Variants in CACNA2D4 observed in about 807,000 individuals in gnomAD.
CACNA2D4 encodes the protein calcium voltage-gated channel auxiliary subunit alpha2delta 4.
Under a neutral mutation model 163.8 loss-of-function variants are expected in CACNA2D4, and 157 were observed. The ratio of observed to expected loss-of-function variants is 0.96; its 90% confidence interval spans 0.84 to 1.09. The LOEUF (loss-of-function observed/expected upper bound fraction) is 1.09. Ranked by LOEUF, CACNA2D4 falls within the 50% of genes least tolerant of loss-of-function variation. The pLI is 0.00. For missense variants in CACNA2D4, 1,410 were observed against 1,479.9 expected, an observed-to-expected ratio of 0.95 and a Z score of 0.78; for synonymous variants, 598 against 586.9, an observed-to-expected ratio of 1.02 and a Z score of -0.27.
Position 1,799,895 on chromosome 12 carries a change from G to A in CACNA2D4, c.2974+105C>T, listed in dbSNP as rs148569069. 1.8e-5 allele frequency: 24 copies of A among 1,339,042 alleles called. No individual in the cohort carries two copies. The highest frequency in any genetic ancestry group is 2.5e-5 in the Non-Finnish European group (24 of 960,484). 82.9% of individuals were successfully genotyped at this position (1,339,042 alleles called of 1,614,324 possible). On this transcript the variant is annotated intron_variant, in intron 33 of 37. Coordinates refer to ENST00000382722, the MANE Select transcript of CACNA2D4 (RefSeq NM_172364.5). The surrounding 1 kb of genome is among the most constrained non-coding windows in gnomAD (Gnocchi z 4.7). ...GAGATGTGAACAACGATGCTTCAGG[G>A]TCACCTATCCCCACTGTCACCCACC...
chr12:1,851,898 G>A (rs1394754768), intron 23 of CACNA2D4, among the ~76,000 whole-genome samples: 1 of 151,868 alleles, frequency 6.6e-6, no homozygotes. Context: ...GTTTTCAGGA[G>A]TGTTTCATAA....
chr12:1,826,802 A>T (rs1485103386), intron 26 of CACNA2D4, among the ~76,000 whole-genome samples: 1 of 152,170 alleles, frequency 6.6e-6, no homozygotes, highest in Non-Finnish European at 1.5e-5. Context: ...AGAGGGGAGA[A>T]GATGGGGGCA....
rs571670715 is a variant in CACNA2D4 at position 1,904,562 on chromosome 12, C to T, written c.781+2878G>A. ...AATTATTAGTTTGTGGTTTTGGGCA[C>T]CACAATGTATAAAGAAGGAATTTTG... On this transcript the variant is annotated intron_variant, in intron 6 of 37. Transcript: ENST00000382722. 1.3e-3 allele frequency among the ~76,000 whole-genome samples: 198 copies of T among 151,740 alleles called. 1 individual carries two copies. Among genetic ancestry groups the T allele is most frequent in the African/African-American group, 4.4e-3 (184 of 41,406 alleles).
chr12:1,868,939 G>A (rs1002633372), intron 18 of CACNA2D4, among the ~76,000 whole-genome samples: 3 of 152,182 alleles, frequency 2.0e-5, no homozygotes, highest in Non-Finnish European at 4.4e-5. Flanking sequence ...ATGATTTAAC[G>A]TATTAGGGAA....
At chr12:1,891,482 A>T (rs932103100) in intron 6 of CACNA2D4, among the ~76,000 whole-genome samples, 8 of 152,214 alleles carry the variant, frequency 5.3e-5, no homozygotes, top group African/African-American at 1.9e-4. Context: ...CAACTATTAC[A>T]CCAGATGCAC....
rs142964907 is a variant in CACNA2D4 at position 1,800,016 on chromosome 12, G to T, written c.2958C>A (p.Tyr986Ter). 1 of 1,604,596 alleles carries T rather than the reference G, an allele frequency of 6.2e-7. No homozygotes were observed. The highest frequency in any genetic ancestry group is 8.5e-7 in the Non-Finnish European group (1 of 1,175,838). The change falls in exon 33 of 38, where the codon TAC becomes TAA. Residue 986 changes from tyrosine to a stop codon, truncating the protein, a stop_gained. Transcript: ENST00000382722. LOFTEE classifies it high-confidence loss of function. ...LLEWSVWGSW[Y>*]DRGAEAKSVF... is the part of the protein sequence containing the mutation. Reference sequence around the variant, plus strand: ...TGCACTCACCCTCGGCCCCTCTGTCGTACCAGGAGCCCCAGACACTCCACT... The same window carrying T: ...TGCACTCACCCTCGGCCCCTCTGTCTTACCAGGAGCCCCAGACACTCCACT...
chr12:1,843,900 G>A lies in CACNA2D4; in HGVS notation c.2470+502C>T, dbSNP rs1565706288. Among the ~76,000 whole-genome samples, 1 of 152,080 alleles carries A rather than the reference G, an allele frequency of 6.6e-6. No individual in the cohort carries two copies. Among genetic ancestry groups the A allele is most frequent in the Non-Finnish European group, 1.5e-5 (1 of 68,014 alleles). On this transcript the variant is annotated intron_variant, in intron 25 of 37. Transcript: ENST00000382722. The surrounding 1 kb of genome is among the most constrained non-coding windows in gnomAD (Gnocchi z 4.6). The stretch of plus-strand genomic sequence containing the variant: ...GAGCTGAGAGGGGCTTGTGGAGAAG[G>A]CTGGGAGCTCCCTGAGGCTGGTCCT...
At position 1,820,893 on chromosome 12, in the gene CACNA2D4, C is replaced by T. The variant is rs78939196; in HGVS notation, c.2552-9170G>A. The T allele has an allele frequency of 0.025, 3,855 of 152,206 alleles. 85 individuals are homozygous for T. Among genetic ancestry groups the T allele is most frequent in the Middle Eastern group, 0.068 (20 of 294 alleles). 9.4% of individuals were successfully genotyped at this position (152,206 alleles called of 1,614,324 possible). A position where few individuals can be genotyped will look rare whatever the true frequency, so the allele number is the denominator to read the frequency against. The stretch of plus-strand genomic sequence containing the variant: ...TGGTCGGGGCATGGGAAGTGGGCAC[C>T]GGCCATCTCTGCCCTGCAGGAATAG... On this transcript the variant is annotated intron_variant, in intron 26 of 37. Coordinates refer to ENST00000382722, the MANE Select transcript of CACNA2D4 (RefSeq NM_172364.5). This position sits in a 1 kb window ranked among gnomAD's most constrained non-coding sequence, Gnocchi z 6.0.
At chr12:1,907,162 G>C (rs1440710866) in intron 6 of CACNA2D4, among the ~76,000 whole-genome samples, 1 of 152,232 alleles carries the variant, frequency 6.6e-6, no homozygotes, top group Non-Finnish European at 1.5e-5. Context: ...ATCTTCCAAA[G>C]TACTTTTCAT....
chr12:1,910,013 A>C, intron 3 of CACNA2D4, 48 bp from the exon 4 acceptor site: 2 of 1,537,532 alleles, frequency 1.3e-6, no homozygotes, highest in Non-Finnish European at 1.8e-6. Context: ...AAAGGAGCCC[A>C]GTGGGTTTTC....
Position 1,822,540 on chromosome 12 carries a change from T to G in CACNA2D4, c.2552-10817A>C, listed in dbSNP as rs186921693. 6.5e-3 allele frequency among the ~76,000 whole-genome samples: 994 copies of G among 152,106 alleles called. 9 individuals are homozygous for G. The highest frequency in any genetic ancestry group is 0.022 in the African/African-American group (922 of 41,472). On this transcript the variant is annotated intron_variant, in intron 26 of 37. Coordinates refer to ENST00000382722, the MANE Select transcript of CACNA2D4 (RefSeq NM_172364.5). ...AGCCTCCTTCATGTCAGGGACCAGC[T>G]CCCATGAGGGGCCACTCAGGAGGCT... is the stretch of plus-strand genomic sequence containing the variant.
rs916855895 is a variant in CACNA2D4 at position 1,798,523 on chromosome 12, G to A, written c.2996-988C>T. On this transcript the variant is annotated intron_variant, in intron 34 of 37. Transcript: ENST00000382722. This position sits in a 1 kb window ranked among gnomAD's most constrained non-coding sequence, Gnocchi z 4.3. ...GCAAGCCCACAGCGGCCAGGGCTGT[G>A]AGTTTTGTCCCCAGGGCTGGGCACA... Among the ~76,000 whole-genome samples, 13 of 152,054 alleles carry A rather than the reference G, an allele frequency of 8.5e-5. No homozygotes were observed. The highest frequency in any genetic ancestry group is 3.1e-4 in the African/African-American group (13 of 41,382).
At chr12:1,800,212 G>T (rs1592648575) in intron 32 of CACNA2D4, 160 bp from the exon 33 acceptor site, 2 of 945,466 alleles carry the variant, frequency 2.1e-6, no homozygotes, top group East Asian at 5.3e-5. Context: ...GTCCCTCCCA[G>T]GGGCAGCATG....
intron 26 of CACNA2D4, among the ~76,000 whole-genome samples, chr12:1,825,714 G>T (rs1864286139): frequency 6.6e-6 from 1 of 152,206 alleles, no homozygotes; most frequent in South Asian, 2.1e-4. Flanking sequence ...GCACAGGTCT[G>T]GGAGGCCTGT....
At chr12:1,897,079 C>CA (rs55706544) in intron 6 of CACNA2D4, among the ~76,000 whole-genome samples, 139,456 of 152,216 alleles carry the variant, frequency 0.92, 64,069 homozygotes, top group East Asian at 1. Flanking sequence ...GCTTGTAATC[C>CA]AGCACTTTGG....
intron 26 of CACNA2D4, among the ~76,000 whole-genome samples, chr12:1,826,640 C>T (rs575215618): frequency 5.3e-5 from 8 of 152,336 alleles, no homozygotes; most frequent in Middle Eastern, 3.4e-3. Flanking sequence ...ACCCTCGCTG[C>T]GTGGGGGAAG....
chr12:1,801,776 T>C (rs935684632), intron 29 of CACNA2D4, 132 bp from the exon 30 acceptor site: 3 of 602,380 alleles, frequency 5.0e-6, no homozygotes, highest in Non-Finnish European at 8.7e-6. Flanking sequence ...TCTGACTGCC[T>C]CTCAGCATAA....
rs765725070 is a variant in CACNA2D4 at position 1,844,485 on chromosome 12, T to C, written c.2387A>G (p.Asp796Gly). 1.9e-6 allele frequency: 3 copies of C among 1,613,482 alleles called. No homozygotes were observed. Among genetic ancestry groups the C allele is most frequent in the Admixed American group, 3.3e-5 (2 of 59,948 alleles). ...CTGGCGGTACCACAGCGGGAAGCGG[T>C]CCAGGGTGAACACGCTGGCCTCGTC... Reference protein sequence around the residue: ...PEDEASVFTLDRFPLWYRQAS... With the variant: ...PEDEASVFTLGRFPLWYRQAS... The change falls in exon 25 of 38, where the codon GAC becomes GGC. Residue 796 changes from aspartate (D) to glycine (G), a missense_variant. Physicochemically the swap from Asp to Gly is moderately conservative, Grantham distance 94. Coordinates refer to ENST00000382722, the MANE Select transcript of CACNA2D4 (RefSeq NM_172364.5). This position sits in a 1 kb window ranked among gnomAD's most constrained non-coding sequence, Gnocchi z 4.2.
chr12:1,819,368 G>A (rs1010316171), intron 26 of CACNA2D4, among the ~76,000 whole-genome samples: 7 of 152,306 alleles, frequency 4.6e-5, no homozygotes, highest in African/African-American at 1.4e-4. Flanking sequence ...GCTGCCCGGG[G>A]ACCCGGCAGA....
Sources: allele counts gnomAD v4.1 joint callset (sites outside exome capture counted in the v4.1 genomes callset), GRCh38; gene constraint gnomAD v4.1.1; non-coding constraint Gnocchi (gnomAD v3.1); transcripts MANE v1.5; gene names NCBI Gene and HGNC (gene_info 2026-07-23, HGNC 2026-07-21).